RFX7: variants seen among roughly 807,000 people sequenced by gnomAD.
RFX7 encodes DNA-binding protein RFX7.
RFX7 carries 26 observed loss-of-function variants against 111.8 expected under a neutral mutation model. The observed-to-expected ratio is 0.23, with a 90% confidence interval of 0.17 to 0.32. The LOEUF is 0.32. RFX7 is among the 10% of genes least tolerant of loss of function. The pLI, the probability that RFX7 is intolerant of heterozygous loss-of-function variation, is 1.00. For synonymous variants in RFX7, 624 were observed against 624.4 expected, an observed-to-expected ratio of 1.00 and a Z score of 0.01; for missense variants, 1,573 against 1,772.9, an observed-to-expected ratio of 0.89 and a Z score of 2.02.
intron 2 of RFX7, chr15:56,189,990 T>C (rs892830208): frequency 1.3e-5 from 2 of 152,174 alleles, no homozygotes; most frequent in Non-Finnish European, 2.9e-5. Context: ...AGTCACACAA[T>C]GGAATACTAC....
chr15:56,165,073 C>A (rs183859701), intron 3 of RFX7, among the ~76,000 whole-genome samples: 1 of 152,210 alleles, frequency 6.6e-6, no homozygotes, highest in African/African-American at 2.4e-5. Flanking sequence ...TCATAAGGCA[C>A]GTATAACCTA....
chr15:56,108,577 AAC>A (rs1221289401), intron 5 of RFX7, among the ~76,000 whole-genome samples: 3 of 152,196 alleles, frequency 2.0e-5, no homozygotes, highest in African/African-American at 4.8e-5. Context: ...ATTTATGACA[AAC>A]ACAGCCAATA....
rs2041577913 is a variant in RFX7, at chr15:56,090,092, T to A, written c.*3253A>T. The A allele has an allele frequency of 6.6e-6, 1 of 152,208 alleles. No homozygotes were observed. Among genetic ancestry groups the A allele is most frequent in the Admixed American group, 6.5e-5 (1 of 15,272 alleles). 9.4% of individuals were successfully genotyped at this position (152,208 alleles called of 1,614,324 possible). Reference sequence around the variant, plus strand: ...CCAGACCTGTAGCCCAGCTTCTGGCTTACAAATTCATTACACTTATCAGTT... The same window carrying A: ...CCAGACCTGTAGCCCAGCTTCTGGCATACAAATTCATTACACTTATCAGTT... On this transcript the variant is annotated 3_prime_UTR_variant, in exon 10 of 10. Coordinates refer to ENST00000559447, the MANE Select transcript of RFX7 (RefSeq NM_022841.7).
chr15:56,219,648 G>C (rs1422839013), intron 2 of RFX7, among the ~76,000 whole-genome samples: 1 of 152,084 alleles, frequency 6.6e-6, no homozygotes, highest in Non-Finnish European at 1.5e-5. Context: ...AGTGTGCTTA[G>C]GATAATGACT....
chr15:56,150,024 C>T (rs569946761), intron 3 of RFX7, among the ~76,000 whole-genome samples: 71 of 24,558 alleles, frequency 2.9e-3, no homozygotes, highest in African/African-American at 0.012. Context: ...CGACCTTGGT[C>T]GGGGGGTTGC....
At chr15:56,192,684 G>A (rs2043111644) in intron 2 of RFX7, 2 of 217,496 alleles carry the variant, frequency 9.2e-6, no homozygotes, top group Non-Finnish European at 2.0e-5. Context: ...CTTTCCCAGG[G>A]TTTTGCTCAA....
At chr15:56,097,341 A>T (rs1419662231) in intron 9 of RFX7, among the ~76,000 whole-genome samples, 1 of 152,210 alleles carries the variant, frequency 6.6e-6, no homozygotes, top group Admixed American at 6.5e-5. Flanking sequence ...CCAAGGTTCT[A>T]GTCCTGTATC....
intron 2 of RFX7, among the ~76,000 whole-genome samples, chr15:56,198,207 A>G (rs2043162688): frequency 6.6e-6 from 1 of 152,130 alleles, no homozygotes; most frequent in African/African-American, 2.4e-5. Context: ...AGCATACAAC[A>G]GGTGGGTAAT....
chr15:56,184,456 G>T (rs1321865065), intron 2 of RFX7, among the ~76,000 whole-genome samples: 1 of 151,132 alleles, frequency 6.6e-6, no homozygotes, highest in Non-Finnish European at 1.5e-5. Context: ...AATTACTTTG[G>T]CTAAAATCTC....
intron 2 of RFX7, among the ~76,000 whole-genome samples, chr15:56,198,600 T>C (rs940458820): frequency 6.6e-6 from 1 of 152,150 alleles, no homozygotes; most frequent in Non-Finnish European, 1.5e-5. Context: ...AAGGATCCAA[T>C]TTCTTCAACA....
intron 3 of RFX7, among the ~76,000 whole-genome samples, chr15:56,175,845 TC>T (rs1242283589): frequency 6.6e-6 from 1 of 152,122 alleles, no homozygotes; most frequent in Non-Finnish European, 1.5e-5. Context: ...TGGCCAATCC[TC>T]CCTACAAACA....
intron 5 of RFX7, among the ~76,000 whole-genome samples, chr15:56,140,805 A>C (rs1347578360): frequency 6.6e-6 from 1 of 152,238 alleles, no homozygotes; most frequent in Non-Finnish European, 1.5e-5. Flanking sequence ...ATCTTTGAAA[A>C]AGATTTCAAG....
chr15:56,237,724 C>G (rs1290601365), intron 2 of RFX7, among the ~76,000 whole-genome samples: 1 of 152,132 alleles, frequency 6.6e-6, no homozygotes, highest in African/African-American at 2.4e-5. Flanking sequence ...ACTACCCAAC[C>G]TAAACAAGAC....
In RFX7 at chr15:56,186,886, G is replaced by T. The variant is rs1321561548; in HGVS notation, c.162-7583C>A. 3.3e-5 allele frequency among the ~76,000 whole-genome samples: 5 copies of T among 152,052 alleles called. No homozygotes were observed. In the South Asian group the frequency reaches 6.2e-4, roughly 19 times the overall value. ...TTAACACAGCTATAATCAAAGCAGG[G>T]TATTATTTAAATTTACCAAAATCAT... On this transcript the variant is annotated intron_variant, in intron 2 of 9. Coordinates refer to ENST00000559447, the MANE Select transcript of RFX7 (RefSeq NM_022841.7).
chr15:56,188,125 GA>G (rs1358055847), intron 2 of RFX7, among the ~76,000 whole-genome samples: 2 of 152,090 alleles, frequency 1.3e-5, no homozygotes, highest in East Asian at 3.9e-4. Context: ...TGGAAGTTAT[GA>G]AAAAAACCAA....
At chr15:56,200,722 G>A (rs2043185564) in intron 2 of RFX7, among the ~76,000 whole-genome samples, 1 of 151,998 alleles carries the variant, frequency 6.6e-6, no homozygotes, top group African/African-American at 2.4e-5. Flanking sequence ...ATGCTTGAAT[G>A]AGGGAGTCGG....
At chr15:56,241,265 T>A (rs771216701) in intron 2 of RFX7, among the ~76,000 whole-genome samples, 79 of 152,230 alleles carry the variant, frequency 5.2e-4, no homozygotes, top group Middle Eastern at 6.8e-3. Context: ...TAGGCTGTAA[T>A]GGATGTGCCA....
intron 5 of RFX7, among the ~76,000 whole-genome samples, chr15:56,140,445 A>G (rs1250176974): frequency 6.6e-6 from 1 of 152,150 alleles, no homozygotes; most frequent in African/African-American, 2.4e-5. Flanking sequence ...TGCGCTTCCC[A>G]AGTGAGGCAA....
intron 5 of RFX7, among the ~76,000 whole-genome samples, chr15:56,129,107 G>A (rs2042180459): frequency 6.6e-6 from 1 of 152,150 alleles, no homozygotes; most frequent in Non-Finnish European, 1.5e-5. Flanking sequence ...CAGGCACAAT[G>A]GCTCACGCCT....
Sources: allele counts gnomAD v4.1 joint callset (sites outside exome capture counted in the v4.1 genomes callset), GRCh38; gene constraint gnomAD v4.1.1; transcripts MANE v1.5; gene names NCBI Gene and HGNC (gene_info 2026-07-23, HGNC 2026-07-21).